The following COL23A1 variants were observed in gnomAD, a reference collection of about 807,000 sequenced individuals.
The protein encoded by COL23A1 is collagen alpha-1(XXIII) chain.
In COL23A1, 97 loss-of-function variants were observed where a neutral mutation model predicts 99.3. The ratio of observed to expected loss-of-function variants is 0.98; its 90% CI spans 0.83 to 1.16. The LOEUF (loss-of-function observed/expected upper bound fraction) is 1.16, where lower values mean the gene tolerates loss of function less well. Ranked by LOEUF, COL23A1 falls within the 50% of genes most tolerant of loss-of-function variation. The pLI is 0.00. For missense variants in COL23A1, 762 were observed against 757.4 expected (o/e 1.01, Z -0.07); for synonymous variants, 320 against 308.2 (o/e 1.04, Z -0.40).
chr5:178,445,383 A>G (rs1446059766), intron 2 of COL23A1, among the ~76,000 whole-genome samples: 3 of 152,180 alleles, frequency 2.0e-5, no homozygotes, highest in Non-Finnish European at 4.4e-5. Flanking sequence ...AGATATTTTA[A>G]TATCAGATGC....
In COL23A1 at chr5:178,455,266, TGCCCGTGGGCCC is replaced by T. The variant is rs1168050065; in HGVS notation, c.361+105404_361+105415del. On this transcript the variant is annotated intron_variant, in intron 2 of 28. Coordinates refer to ENST00000390654, the MANE Select transcript of COL23A1 (RefSeq NM_173465.4). ...AGGCGTGAAAAGTCACGCACGGGCC[TGCCCGTGGGCCC>T]GCCCTAAACCTTTCCAACCCGTTTG... Among the ~76,000 whole-genome samples, 7 of 152,322 alleles carry T rather than the reference TGCCCGTGGGCCC, an allele frequency of 4.6e-5. No homozygotes were observed. In the South Asian group the frequency reaches 1.2e-3, roughly 27 times the overall value.
At chr5:178,532,024 A>G (rs1459608250) in intron 2 of COL23A1, among the ~76,000 whole-genome samples, 1 of 152,208 alleles carries the variant, frequency 6.6e-6, no homozygotes, top group Admixed American at 6.5e-5. Flanking sequence ...CCCAGTGGAA[A>G]GATGCAACCA....
At chr5:178,257,480 G>A (rs1765369489) in intron 13 of COL23A1, 43 bp downstream of exon 13, 1 of 1,555,136 alleles carries the variant, frequency 6.4e-7, no homozygotes, top group African/African-American at 1.4e-5. Flanking sequence ...GGAACCATGG[G>A]AGGTGGGGGC....
intron 1 of COL23A1, 136 bp from the exon 2 acceptor site, chr5:178,560,884 T>C: frequency 1.3e-6 from 1 of 765,422 alleles, no homozygotes; most frequent in South Asian, 1.9e-5. Context: ...TGAGACCATC[T>C]CTCAAAAGAT....
intron 4 of COL23A1, 109 bp downstream of exon 4, chr5:178,290,253 T>G: frequency 6.6e-7 from 1 of 1,519,444 alleles, no homozygotes; most frequent in Non-Finnish European, 9.1e-7. Context: ...GGACTGATGT[T>G]TTCTGAGGAC....
rs1471779571 is a variant in COL23A1 at position 178,302,422 on chromosome 5, G to A, written c.406+4453C>T. Among the ~76,000 whole-genome samples, 2 of 106,346 alleles carry A rather than the reference G, an allele frequency of 1.9e-5. 1 individual carries two copies. Among genetic ancestry groups the A allele is most frequent in the Non-Finnish European group, 4.1e-5 (2 of 48,856 alleles). 69.8% of individuals were successfully genotyped at this position (106,346 alleles called of 152,430 possible). A position where few individuals can be genotyped will look rare whatever the true frequency, so the allele number is the denominator to read the frequency against. ...ACGGCTTCAATCCACCTGTGTGTGC[G>A]CCGGAGCACGGCTTCAATCCACCTC... On this transcript the variant is annotated intron_variant, in intron 3 of 28. Transcript: ENST00000390654.
At chr5:178,492,474 T>G (rs918809581) in intron 2 of COL23A1, among the ~76,000 whole-genome samples, 3 of 152,138 alleles carry the variant, frequency 2.0e-5, no homozygotes, top group Non-Finnish European at 4.4e-5. Context: ...AACACCTTGA[T>G]CCTGGACTTC....
chr5:178,429,706 A>G (rs2127815443), intron 2 of COL23A1, among the ~76,000 whole-genome samples: 1 of 149,384 alleles, frequency 6.7e-6, no homozygotes, highest in South Asian at 2.2e-4. Context: ...CTCATTTTCC[A>G]CATTGACGCC....
intron 2 of COL23A1, among the ~76,000 whole-genome samples, chr5:178,553,169 TAAA>T (rs55857926): frequency 1.8e-3 from 240 of 135,038 alleles, no homozygotes; most frequent in Non-Finnish European, 1.8e-3. Flanking sequence ...GATCCTATCT[TAAA>T]AAAAAAAAAA....
intron 2 of COL23A1, among the ~76,000 whole-genome samples, chr5:178,437,177 T>C (rs1217505146): frequency 1.3e-5 from 2 of 152,200 alleles, no homozygotes; most frequent in East Asian, 3.8e-4. Context: ...CACACTCCTG[T>C]TCCTGCCCTT....
Position 178,589,136 on chromosome 5 carries a change from CTT to C in COL23A1, c.294+766_294+767del, listed in dbSNP as rs1764139894. Reference sequence around the variant, plus strand: ...TTCTTTGAAGACACACAGCAGCAATCTTAACCCTTAGAAGTGTCACAGAGCCT... The same window carrying C: ...TTCTTTGAAGACACACAGCAGCAATCAACCCTTAGAAGTGTCACAGAGCCT... On this transcript the variant is annotated intron_variant, in intron 1 of 28. Coordinates refer to ENST00000390654, the MANE Select transcript of COL23A1 (RefSeq NM_173465.4). This position sits in a 1 kb window ranked among gnomAD's most constrained non-coding sequence, Gnocchi z 5.4. Among the ~76,000 whole-genome samples the C allele has an allele frequency of 6.6e-6, 1 of 152,214 alleles. No homozygotes were observed. The highest frequency in any genetic ancestry group is 1.5e-5 in the Non-Finnish European group (1 of 68,028).
At position 178,369,525 on chromosome 5, in the gene COL23A1, T is replaced by C. The variant is rs529935302; in HGVS notation, c.362-62606A>G. Among the ~76,000 whole-genome samples the C allele has an allele frequency of 2.0e-5, 3 of 152,292 alleles. No individual in the cohort carries two copies. In the South Asian group the frequency reaches 6.2e-4, roughly 32 times the overall value. The stretch of plus-strand genomic sequence containing the variant: ...TGGTTTGGCTGTATCCCCACCCAAA[T>C]CTCATCTTGAATTGAACGTGTTGTG... On this transcript the variant is annotated intron_variant, in intron 2 of 28. Coordinates refer to ENST00000390654, the MANE Select transcript of COL23A1 (RefSeq NM_173465.4).
rs1029478394 is a variant in COL23A1 at position 178,576,438 on chromosome 5, C to G, written c.294+13466G>C. On this transcript the variant is annotated intron_variant, in intron 1 of 28. Transcript: ENST00000390654. ...TTAGTAGAGACGGGGTTTCGCCATACTGGCGAGGCTGGTCTCGAACTCCTG... is the reference window on the plus strand; with the variant it reads ...TTAGTAGAGACGGGGTTTCGCCATAGTGGCGAGGCTGGTCTCGAACTCCTG... Among the ~76,000 whole-genome samples, 6 of 152,296 alleles carry G rather than the reference C, an allele frequency of 3.9e-5. No individual in the cohort carries two copies. The South Asian group carries it at 8.3e-4, about 21-fold the overall frequency.
In COL23A1 at chr5:178,572,067, C is replaced by CAAAAAAAAAAAAAA. The variant is rs1288485909; in HGVS notation, c.295-11320_295-11319insTTTTTTTTTTTTTT. Among the ~76,000 whole-genome samples the CAAAAAAAAAAAAAA allele has an allele frequency of 1.1e-3, 60 of 54,276 alleles. 1 individual carries two copies. Among genetic ancestry groups the CAAAAAAAAAAAAAA allele is most frequent in the African/African-American group, 7.1e-3 (47 of 6,626 alleles). The allele number at this position is 54,276 out of a possible 152,430, so 35.6% of individuals were successfully genotyped here. A position where few individuals can be genotyped will look rare whatever the true frequency, so the allele number is the denominator to read the frequency against. On this transcript the variant is annotated intron_variant, in intron 1 of 28. Transcript: ENST00000390654. Reference sequence around the variant, plus strand: ...TGGGTGACAGAGCGAGACTCTTTCTCAAAACAAAAAAAAAAAAGACCTAAA... The same window carrying CAAAAAAAAAAAAAA: ...TGGGTGACAGAGCGAGACTCTTTCTCAAAAAAAAAAAAAAAAAACAAAAAAAAAAAAGACCTAAA...
chr5:178,360,236 AG>A (rs1328988448), intron 2 of COL23A1, among the ~76,000 whole-genome samples: 1 of 152,254 alleles, frequency 6.6e-6, no homozygotes, highest in African/African-American at 2.4e-5. Context: ...GACCAAGTGT[AG>A]GGATTTCTCA....
intron 2 of COL23A1, among the ~76,000 whole-genome samples, chr5:178,353,879 C>G (rs2127683027): frequency 6.6e-6 from 1 of 151,474 alleles, no homozygotes; most frequent in Middle Eastern, 3.4e-3. Flanking sequence ...CAAAACATCT[C>G]AGATAGACCA....
At chr5:178,487,662 G>A (rs971740427) in intron 2 of COL23A1, among the ~76,000 whole-genome samples, 29 of 152,132 alleles carry the variant, frequency 1.9e-4, no homozygotes, top group African/African-American at 7.0e-4. Flanking sequence ...CTGCCACAGC[G>A]TCTCCTATCT....
At chr5:178,317,632 C>T (rs544092011) in intron 2 of COL23A1, among the ~76,000 whole-genome samples, 2 of 152,284 alleles carry the variant, frequency 1.3e-5, no homozygotes, top group East Asian at 1.9e-4. Flanking sequence ...TAAACATGGC[C>T]ACTACTGAAT....
At chr5:178,520,239 T>A (rs1458620107) in intron 2 of COL23A1, among the ~76,000 whole-genome samples, 1 of 152,086 alleles carries the variant, frequency 6.6e-6, no homozygotes, top group African/African-American at 2.4e-5. Context: ...GGAATCAGTG[T>A]GTGACTAGTA....
Sources: gnomAD v4.1 joint callset for allele counts (sites outside exome capture counted in the v4.1 genomes callset) on GRCh38, gnomAD v4.1.1 for gene constraint, Gnocchi (gnomAD v3.1) non-coding constraint, MANE v1.5 for transcripts, NCBI Gene and HGNC (gene_info 2026-07-23, HGNC 2026-07-21) for gene names.